Variants in C3orf20 observed in about 807,000 individuals in gnomAD.
C3orf20 encodes family with sequence similarity 149 member C.
Under a neutral mutation model 88.3 loss-of-function variants are expected in C3orf20, and 76 were observed. That is an observed-to-expected ratio of 0.86 (90% CI 0.72 to 1.04). C3orf20 has a LOEUF of 1.04. Ranked by LOEUF, C3orf20 falls within the 50% of genes least tolerant of loss-of-function variation. The probability of loss-of-function intolerance (pLI) is 0.00; values close to 1 mark genes in which losing one functional copy is unlikely to be tolerated. For synonymous variants in C3orf20, 436 were observed against 437.4 expected, an observed-to-expected ratio of 1.00 and a Z score of 0.04; for missense variants, 1,056 against 1,123.3, an observed-to-expected ratio of 0.94 and a Z score of 0.86.
At chr3:14,718,619 G>A (rs1313365694) in intron 9 of C3orf20, among the ~76,000 whole-genome samples, 1 of 152,208 alleles carries the variant, frequency 6.6e-6, no homozygotes, top group Non-Finnish European at 1.5e-5. Flanking sequence ...ATTTTGGACT[G>A]TAGGTGGACA....
chr3:14,700,089 C>A (rs998795338), intron 5 of C3orf20, among the ~76,000 whole-genome samples: 10 of 152,202 alleles, frequency 6.6e-5, no homozygotes, highest in Non-Finnish European at 1.5e-4. Flanking sequence ...CTCCCAAATG[C>A]ATAGACTCTC....
At position 14,682,838 on chromosome 3, in the gene C3orf20, G is replaced by A. The variant is rs17040154; in HGVS notation, c.125G>A (p.Gly42Asp). 0.063 allele frequency: 101,484 copies of A among 1,614,144 alleles called. 3,539 individuals carry two copies. Among genetic ancestry groups the A allele is most frequent in the Admixed American group, 0.11 (6,432 of 60,020 alleles). The change falls in exon 3 of 17, where the codon GGC becomes GAC. Residue 42 changes from glycine (G) to aspartate (D), a missense_variant. By Grantham distance (94) the Gly-to-Asp change is moderately conservative. Coordinates refer to ENST00000253697, the MANE Select transcript of C3orf20 (RefSeq NM_032137.5). The part of the protein sequence containing the change: ...CQNAGISVPK[G>D]IRNIFEFTWE... ...AATGCAGGCATTTCTGTACCAAAAG[G>A]CATCAGAAACATCTTTGAGTTCACT... is the stretch of plus-strand genomic sequence containing the variant.
chr3:14,721,467 GC>G (rs1422549882), intron 9 of C3orf20, among the ~76,000 whole-genome samples, 185 bp from the exon 10 acceptor site: 1 of 152,150 alleles, frequency 6.6e-6, no homozygotes, highest in Admixed American at 6.5e-5. Flanking sequence ...TTTTCAGTGG[GC>G]CCCCAGGGAA....
intron 5 of C3orf20, among the ~76,000 whole-genome samples, chr3:14,700,247 C>T (rs554027386): frequency 3.8e-4 from 47 of 122,686 alleles, no homozygotes; most frequent in Middle Eastern, 4.4e-3. Context: ...ATTTTGAAGA[C>T]GCTTTTTTTG....
At position 14,711,580 on chromosome 3, in the gene C3orf20, C is replaced by T. The variant is rs564526602; in HGVS notation, c.1161-2427C>T. Reference sequence around the variant, plus strand: ...GGATCTAAAGTGAGTCTCTTAGACACGGCATATGGTTGAATTGTTTTGGTT... The same window carrying T: ...GGATCTAAAGTGAGTCTCTTAGACATGGCATATGGTTGAATTGTTTTGGTT... On this transcript the variant is annotated intron_variant, in intron 7 of 16. Transcript: ENST00000253697. Among the ~76,000 whole-genome samples the T allele has an allele frequency of 1.1e-4, 16 of 148,802 alleles. No homozygotes were observed. The East Asian group carries it at 1.6e-3, about 15-fold the overall frequency.
intron 12 of C3orf20, among the ~76,000 whole-genome samples, chr3:14,734,016 G>A (rs1208611032): frequency 6.6e-6 from 1 of 152,114 alleles, no homozygotes; most frequent in Non-Finnish European, 1.5e-5. Context: ...AGATCCTTTT[G>A]CAATATTTTA....
In C3orf20 at chr3:14,703,003, G is replaced by A. The variant is rs115905393; in HGVS notation, c.746-127G>A. On this transcript the variant is annotated intron_variant, in intron 5 of 16. Coordinates refer to ENST00000253697, the MANE Select transcript of C3orf20 (RefSeq NM_032137.5). ...GGCCCATGCAAGTCTAAAATCCAGCGGGACAAATTTTAAAGCTCCAAAATG... is the reference window on the plus strand; with the variant it reads ...GGCCCATGCAAGTCTAAAATCCAGCAGGACAAATTTTAAAGCTCCAAAATG... 2.7e-4 allele frequency: 315 copies of A among 1,170,092 alleles called. 3 individuals carry two copies. In the African/African-American group the frequency reaches 3.4e-3, roughly 13 times the overall value. The allele number at this position is 1,170,092 out of a possible 1,614,324, so 72.5% of individuals were successfully genotyped here.
rs1192555332 is a variant in C3orf20 at position 14,690,066 on chromosome 3, C to A, written c.695C>A (p.Ala232Asp). 1 of 1,614,098 alleles carries A rather than the reference C, an allele frequency of 6.2e-7. No homozygotes were observed. ...PYQLIYHSST[A>D]CLSFSLSAGK... The stretch of plus-strand genomic sequence containing the variant: ...CAGCTGATCTACCACTCTTCCACAG[C>A]CTGTCTGAGCTTTTCTCTCTCTGCT... Residue 232 changes from alanine to aspartate, a missense_variant, in exon 5 of 17, where the codon GCC becomes GAC. Ala to Asp is a moderately radical substitution (Grantham distance 126, BLOSUM62 -2). Transcript: ENST00000253697.
chr3:14,770,088 A>G (rs1373705989), intron 15 of C3orf20, among the ~76,000 whole-genome samples: 1 of 152,120 alleles, frequency 6.6e-6, no homozygotes, highest in Non-Finnish European at 1.5e-5. Context: ...GGAGGAGCCC[A>G]TCAGCCTACC....
chr3:14,729,701 ACG>A (rs1383328757), intron 12 of C3orf20, among the ~76,000 whole-genome samples: 1 of 151,978 alleles, frequency 6.6e-6, no homozygotes, highest in Non-Finnish European at 1.5e-5. Flanking sequence ...ATGCACCACC[ACG>A]CCTGCCTAAG....
At chr3:14,676,109 C>A (rs1267504310) in intron 1 of C3orf20, among the ~76,000 whole-genome samples, 3 of 140,166 alleles carry the variant, frequency 2.1e-5, no homozygotes, top group African/African-American at 7.8e-5. Context: ...TTCCCCCTCC[C>A]CCCCGCCTTT....
intron 1 of C3orf20, among the ~76,000 whole-genome samples, chr3:14,676,512 A>G (rs997445164): frequency 6.6e-6 from 1 of 152,196 alleles, no homozygotes; most frequent in Non-Finnish European, 1.5e-5. Flanking sequence ...CTAATAGTTC[A>G]TCAGCTTAAT....
intron 12 of C3orf20, among the ~76,000 whole-genome samples, chr3:14,743,937 C>T (rs992503136): frequency 4.6e-5 from 7 of 152,012 alleles, no homozygotes; most frequent in African/African-American, 1.5e-4. Flanking sequence ...GGCCTCCAGG[C>T]CTGATGGGAG....
rs145720697 is a variant in C3orf20 at position 14,751,517 on chromosome 3, A to G, written c.1941-5854A>G. Reference sequence around the variant, plus strand: ...AAGAAAAAGAAATAAAGGATATTCAATTAGGAAAAGAGGAAGTCAAATTGT... The same window carrying G: ...AAGAAAAAGAAATAAAGGATATTCAGTTAGGAAAAGAGGAAGTCAAATTGT... On this transcript the variant is annotated intron_variant, in intron 12 of 16. Coordinates refer to ENST00000253697, the MANE Select transcript of C3orf20 (RefSeq NM_032137.5). Among the ~76,000 whole-genome samples the G allele has an allele frequency of 1.8e-4, 27 of 152,292 alleles. No individual in the cohort carries two copies. In the East Asian group the frequency reaches 2.5e-3, roughly 14 times the overall value.
chr3:14,766,736 G>A (rs1000924746), intron 15 of C3orf20, among the ~76,000 whole-genome samples: 1 of 152,232 alleles, frequency 6.6e-6, no homozygotes, highest in Admixed American at 6.5e-5. Context: ...CCACCAGGCA[G>A]GGAGGGCAGT....
intron 12 of C3orf20, among the ~76,000 whole-genome samples, chr3:14,751,378 G>A (rs182182879): frequency 4.5e-4 from 69 of 152,318 alleles, no homozygotes; most frequent in Middle Eastern, 3.4e-3. Flanking sequence ...GTTGGACAGC[G>A]GGTGCAGCCC....
intron 10 of C3orf20, among the ~76,000 whole-genome samples, chr3:14,725,167 C>T (rs1436836525): frequency 6.6e-6 from 1 of 152,124 alleles, no homozygotes; most frequent in African/African-American, 2.4e-5. Context: ...ATAGGATTTC[C>T]AAATGTTGAC....
chr3:14,684,877 G>A lies in C3orf20; in HGVS notation c.625+495G>A, dbSNP rs114014026. Among the ~76,000 whole-genome samples, 956 of 152,294 alleles carry A rather than the reference G, an allele frequency of 6.3e-3. 5 individuals are homozygous for A. Among genetic ancestry groups the A allele is most frequent in the African/African-American group, 0.022 (902 of 41,558 alleles). ...CCGAGGGAAGCTCACACATGTTCCAGAAGTCATACAAGAATGTTTATTGCA... is the reference window on the plus strand; with the variant it reads ...CCGAGGGAAGCTCACACATGTTCCAAAAGTCATACAAGAATGTTTATTGCA... On this transcript the variant is annotated intron_variant, in intron 4 of 16. Coordinates refer to ENST00000253697, the MANE Select transcript of C3orf20 (RefSeq NM_032137.5).
At chr3:14,756,681 A>G (rs927758369) in intron 12 of C3orf20, among the ~76,000 whole-genome samples, 2 of 152,208 alleles carry the variant, frequency 1.3e-5, no homozygotes, top group Non-Finnish European at 2.9e-5. Flanking sequence ...TCCAAGACTA[A>G]AGGACAAGTG....
Sources: allele counts gnomAD v4.1 joint callset (sites outside exome capture counted in the v4.1 genomes callset), GRCh38; gene constraint gnomAD v4.1.1; transcripts MANE v1.5; gene names NCBI Gene and HGNC (gene_info 2026-07-23, HGNC 2026-07-21).